The following CUX1 variants were observed in gnomAD, a reference collection of about 807,000 sequenced individuals.
CUX1 encodes cut like homeobox 1, also known as protein CASP.
Under a neutral mutation model 158.8 loss-of-function variants are expected in CUX1, and 31 were observed. That is an observed-to-expected ratio of 0.20 (90% CI 0.15 to 0.26). The LOEUF is 0.26. Ranked by LOEUF, CUX1 falls within the 10% of genes least tolerant of loss-of-function variation. The probability of loss-of-function intolerance (pLI) is 1.00; values close to 1 mark genes in which losing one functional copy is unlikely to be tolerated. For missense variants in CUX1, 1,589 were observed against 2,014.6 expected, an observed-to-expected ratio of 0.79 and a Z score of 4.04; for synonymous variants, 879 against 862.1, an observed-to-expected ratio of 1.02 and a Z score of -0.34.
At chr7:101,955,190 G>A (rs900034075) in intron 2 of CUX1, among the ~76,000 whole-genome samples, 1 of 151,414 alleles carries the variant, frequency 6.6e-6, no homozygotes, top group Non-Finnish European at 1.5e-5. Flanking sequence ...GCAGGTTCAA[G>A]GAAGGGAGAG....
At chr7:101,942,025 G>GCCTGTTTT (rs1249293149) in intron 2 of CUX1, among the ~76,000 whole-genome samples, 1 of 152,176 alleles carries the variant, frequency 6.6e-6, no homozygotes, top group Non-Finnish European at 1.5e-5. Flanking sequence ...TGTTTCCCAG[G>GCCTGTTTT]CCTGTTTTTG....
intron 2 of CUX1, among the ~76,000 whole-genome samples, chr7:102,024,249 C>T (rs775339273): frequency 6.6e-6 from 1 of 152,244 alleles, no homozygotes; most frequent in Admixed American, 6.5e-5. Flanking sequence ...TGAAATCTCT[C>T]AGCCACACCA....
intron 3 of CUX1, among the ~76,000 whole-genome samples, chr7:102,054,474 G>C (rs1823902609): frequency 6.6e-6 from 1 of 152,266 alleles, no homozygotes; most frequent in African/African-American, 2.4e-5. Flanking sequence ...CATAATATGA[G>C]GGTTCCTTTC....
rs550701209 is a variant in CUX1, at chr7:101,948,489, G to A, written c.141+32264G>A. On this transcript the variant is annotated intron_variant, in intron 2 of 23. Transcript: ENST00000292535. The stretch of plus-strand genomic sequence containing the variant: ...TTAAAATAAGGGCTAGCCTTGGAAC[G>A]TTGCCTGCTTTGTAGATTTCCAGTG... 5.3e-5 allele frequency among the ~76,000 whole-genome samples: 8 copies of A among 152,248 alleles called. No homozygotes were observed. The East Asian group carries it at 5.8e-4, about 11-fold the overall frequency.
At chr7:101,906,893 T>A (rs1466376765) in intron 1 of CUX1, among the ~76,000 whole-genome samples, 7 of 152,116 alleles carry the variant, frequency 4.6e-5, no homozygotes, top group Non-Finnish European at 4.4e-5. Flanking sequence ...TTGCCACTCA[T>A]CTGCTGCCCC....
chr7:102,162,946 G>GT (rs1554507640), intron 9 of CUX1, among the ~76,000 whole-genome samples: 1 of 152,188 alleles, frequency 6.6e-6, no homozygotes, highest in Admixed American at 6.6e-5. Context: ...GAGAGCATGA[G>GT]ATGGGGAATC....
intron 1 of CUX1, among the ~76,000 whole-genome samples, chr7:101,882,152 T>C (rs760241847): frequency 1.3e-5 from 2 of 152,070 alleles, no homozygotes; most frequent in Non-Finnish European, 2.9e-5. Context: ...ACCACTGCAC[T>C]CCAGCCTGGG....
At chr7:102,169,859 G>A (rs1421960412) in intron 9 of CUX1, among the ~76,000 whole-genome samples, 1 of 152,164 alleles carries the variant, frequency 6.6e-6, no homozygotes, top group East Asian at 1.9e-4. Context: ...TGGCCTGGTT[G>A]GCTGAAAATG....
rs62001055 is a variant in CUX1 at position 102,273,375 on chromosome 7, C to G, written c.1265C>G (p.Ala422Gly). The G allele has an allele frequency of 1.9e-3, 3,068 of 1,611,904 alleles. 49 individuals carry two copies. The African/African-American group carries it at 0.038, about 20-fold the overall frequency. ...CTTCCTTTGGCCACAGGACGCTGTG[C>G]GGAGCTGCAAGTCCGTATCACTGAG... The change falls in exon 15 of 23, where the codon GCG becomes GGG. Residue 422 changes from alanine (A) to glycine (G), a missense_variant. Physicochemically the swap from Ala to Gly is moderately conservative, Grantham distance 60 (BLOSUM62 0). Transcript: ENST00000292538.
At chr7:101,985,107 A>C (rs1395359724) in intron 2 of CUX1, among the ~76,000 whole-genome samples, 2 of 152,200 alleles carry the variant, frequency 1.3e-5, no homozygotes, top group Non-Finnish European at 2.9e-5. Context: ...TTGATGGTTT[A>C]AATTGATGTT....
intron 1 of CUX1, among the ~76,000 whole-genome samples, chr7:101,904,462 A>C (rs1391550177): frequency 6.6e-6 from 1 of 152,140 alleles, no homozygotes; most frequent in East Asian, 1.9e-4. Flanking sequence ...GAAAGGCCGC[A>C]GCTTGTAAGT....
At chr7:101,846,863 T>A (rs965749089) in intron 1 of CUX1, among the ~76,000 whole-genome samples, 5 of 151,872 alleles carry the variant, frequency 3.3e-5, no homozygotes, top group Admixed American at 3.3e-4. Context: ...CTAGGTGGAG[T>A]GGCTCATGCT....
chr7:101,970,832 A>C (rs927352161), intron 2 of CUX1, among the ~76,000 whole-genome samples: 1 of 152,180 alleles, frequency 6.6e-6, no homozygotes, highest in African/African-American at 2.4e-5. Context: ...CTAGGATTAC[A>C]GGCGTGAGCC....
chr7:102,009,846 C>G (rs954999915), intron 2 of CUX1, among the ~76,000 whole-genome samples: 1 of 152,238 alleles, frequency 6.6e-6, no homozygotes, highest in African/African-American at 2.4e-5. Context: ...TCCTTTTGTG[C>G]TGCCTAACGT....
chr7:102,012,297 C>T (rs547339918), intron 2 of CUX1, among the ~76,000 whole-genome samples: 39 of 152,234 alleles, frequency 2.6e-4, no homozygotes, highest in African/African-American at 9.4e-4. Context: ...AAGCAATTCT[C>T]ATGTCTCAGC....
chr7:102,196,914 A>G lies in CUX1; in HGVS notation c.1503A>G (p.Gly501=). The change falls in exon 15 of 24, where the codon GGA becomes GGG. Residue 501 remains glycine (G), a synonymous_variant. Coordinates refer to ENST00000292535, the MANE Select transcript of CUX1 (RefSeq NM_181552.4). ...ACTCCAAGGCTATGCAGGAAGCCGG[A>G]AGCACAAGCATGATTTTTTCAACAG... ...SFYSKAMQEA[G]STSMIFSTGP... 1 of 1,614,212 alleles carries G rather than the reference A, an allele frequency of 6.2e-7. No homozygotes were observed. Among genetic ancestry groups the G allele is most frequent in the Non-Finnish European group, 8.5e-7 (1 of 1,180,042 alleles).
intron 17 of CUX1, among the ~76,000 whole-genome samples, chr7:102,276,975 T>G (rs1554547876): frequency 6.6e-6 from 1 of 152,116 alleles, no homozygotes; most frequent in East Asian, 1.9e-4. Context: ...TAATAGTTTT[T>G]AAAAGGCTAA....
At chr7:102,274,621 A>C (rs1027615198) in intron 16 of CUX1, among the ~76,000 whole-genome samples, 14 of 152,146 alleles carry the variant, frequency 9.2e-5, no homozygotes, top group African/African-American at 3.4e-4. Context: ...GTCTCTAAAA[A>C]ACAAAAAGGT....
intron 2 of CUX1, among the ~76,000 whole-genome samples, chr7:101,985,316 C>T (rs1000332586): frequency 4.6e-5 from 7 of 152,136 alleles, no homozygotes; most frequent in Non-Finnish European, 1.0e-4. Flanking sequence ...GAAGGGGTTT[C>T]CTGCCCTGTG....
Sources: allele counts gnomAD v4.1 joint callset (sites outside exome capture counted in the v4.1 genomes callset), GRCh38; gene constraint gnomAD v4.1.1; transcripts MANE v1.5; gene names NCBI Gene and HGNC (gene_info 2026-07-23, HGNC 2026-07-21).